The following USH2A variants were observed in gnomAD, a reference collection of about 807,000 sequenced individuals.
The protein encoded by USH2A is usherin, also known as Usher syndrome 2A (autosomal recessive, mild).
USH2A carries 443 observed loss-of-function variants against 538.9 expected under a neutral mutation model. The ratio of observed to expected loss-of-function variants is 0.82; its 90% CI spans 0.76 to 0.89. USH2A has a LOEUF of 0.89. Ranked by LOEUF, USH2A falls within the 40% of genes least tolerant of loss-of-function variation. The pLI is 0.00. For missense variants in USH2A, 6,633 were observed against 6,324.8 expected (o/e 1.05, Z -1.65); for synonymous variants, 2,413 against 2,273.5 (o/e 1.06, Z -1.75).
intron 19 of USH2A, among the ~76,000 whole-genome samples, chr1:216,192,244 G>A (rs2034731391): frequency 6.6e-6 from 1 of 151,954 alleles, no homozygotes; most frequent in Admixed American, 6.6e-5. Flanking sequence ...TGGGAATTTT[G>A]GCTATTTATT....
intron 21 of USH2A, among the ~76,000 whole-genome samples, chr1:216,118,277 C>A (rs754339831): frequency 1.3e-5 from 2 of 152,114 alleles, no homozygotes; most frequent in Non-Finnish European, 2.9e-5. Flanking sequence ...GAGAGACCCT[C>A]AATTTGGTAT....
intron 21 of USH2A, among the ~76,000 whole-genome samples, chr1:216,111,932 TAA>T (rs2032883269): frequency 6.6e-6 from 1 of 151,940 alleles, no homozygotes; most frequent in Non-Finnish European, 1.5e-5. Context: ...TTAGGGAATG[TAA>T]AAGTTCATTT....
At chr1:215,771,579 C>CAAAAAAAAAAAAAAAAA (rs759067576) in intron 55 of USH2A, among the ~76,000 whole-genome samples, 11 of 43,998 alleles carry the variant, frequency 2.5e-4, no homozygotes, top group East Asian at 2.2e-3. Context: ...GACTCCGTCT[C>CAAAAAAAAAAAAAAAAA]AAAAAAAAAA....
chr1:215,640,812 ATATGAGC>A, intron 67 of USH2A, 78 bp from the exon 68 acceptor site: 12 of 1,414,172 alleles, frequency 8.5e-6, no homozygotes, highest in Non-Finnish European at 1.1e-5. Flanking sequence ...AAAAAAAAAA[ATATGAGC>A]AAAATCAAAC....
rs776220540 is a variant in USH2A at position 215,741,369 on chromosome 1, T to A, written c.11711+6A>T. 7.4e-6 allele frequency: 12 copies of A among 1,614,002 alleles called. No homozygotes were observed. The Admixed American group carries it at 2.0e-4, about 27-fold the overall frequency. ...AACTAAAAATAATAGTAACAGCCAA[T>A]CTTACCTGTAAATAAAGTAGTTGAT... On this transcript the variant is annotated splice_donor_region_variant and intron_variant, in intron 60 of 71. Coordinates refer to ENST00000307340, the MANE Select transcript of USH2A (RefSeq NM_206933.4).
At chr1:215,763,364 A>G (rs1208357276) in intron 56 of USH2A, among the ~76,000 whole-genome samples, 1 of 152,102 alleles carries the variant, frequency 6.6e-6, no homozygotes, top group Non-Finnish European at 1.5e-5. Context: ...GATGGGTAGG[A>G]AGTAGGTGGT....
At chr1:215,652,164 GAGAATGTATTACT>G (rs1657105096) in intron 64 of USH2A, among the ~76,000 whole-genome samples, 3 of 152,184 alleles carry the variant, frequency 2.0e-5, no homozygotes, top group African/African-American at 7.2e-5. Flanking sequence ...AAGGTGAGCC[GAGAATGTATTACT>G]AGTCCCCTTT....
intron 21 of USH2A, among the ~76,000 whole-genome samples, chr1:216,167,632 C>G (rs1288866683): frequency 1.3e-5 from 2 of 152,074 alleles, no homozygotes; most frequent in African/African-American, 2.4e-5. Context: ...CGCAAGACCT[C>G]GGAAGCATGC....
At position 216,123,077 on chromosome 1, in the gene USH2A, G is replaced by A. The variant is rs1030911356; in HGVS notation, c.4628-25864C>T. On this transcript the variant is annotated intron_variant, in intron 21 of 71. Coordinates refer to ENST00000307340, the MANE Select transcript of USH2A (RefSeq NM_206933.4). ...TATGTCATTTTATTTGTTTCTCATG[G>A]TTCATTTATGCCAATTATACAGATA... Among the ~76,000 whole-genome samples the A allele has an allele frequency of 2.6e-5, 4 of 152,212 alleles. No individual in the cohort carries two copies. In the South Asian group the frequency reaches 8.3e-4, roughly 32 times the overall value.
intron 38 of USH2A, among the ~76,000 whole-genome samples, chr1:215,911,921 GA>G (rs1406432528): frequency 1.3e-5 from 2 of 152,058 alleles, no homozygotes; most frequent in Non-Finnish European, 2.9e-5. Flanking sequence ...GGGGTGAGAT[GA>G]AATCTCATTA....
rs1661658304 is a variant in USH2A, at chr1:215,782,053, T to C, written c.10729A>G (p.Thr3577Ala). 3 of 1,614,004 alleles carry C rather than the reference T, an allele frequency of 1.9e-6. No homozygotes were observed. The East Asian group carries it at 6.7e-5, about 36-fold the overall frequency. The change falls in exon 54 of 72, where the codon ACC becomes GCC. Residue 3577 changes from threonine to alanine, a missense_variant. Coordinates refer to ENST00000307340, the MANE Select transcript of USH2A (RefSeq NM_206933.4). The part of the protein sequence containing the change: ...LKACTVAGCA[T>A]SSKVVAATTQ... ...CAAACTCCTCTTACCTTGCTACTGG[T>C]GGCACAGCCAGCAACCGTGCAAGCT...
At chr1:215,774,346 G>T (rs1172905120) in intron 55 of USH2A, among the ~76,000 whole-genome samples, 4 of 151,554 alleles carry the variant, frequency 2.6e-5, no homozygotes, top group African/African-American at 9.7e-5. Flanking sequence ...TACTTCTTTG[G>T]CAGACTCTCT....
chr1:215,739,319 T>C (rs1660239067), intron 60 of USH2A, among the ~76,000 whole-genome samples: 1 of 152,188 alleles, frequency 6.6e-6, no homozygotes, highest in Non-Finnish European at 1.5e-5. Flanking sequence ...TCAGATGCCA[T>C]CAAATGCTGT....
At chr1:216,010,795 G>T (rs1668542873) in intron 32 of USH2A, among the ~76,000 whole-genome samples, 1 of 151,456 alleles carries the variant, frequency 6.6e-6, no homozygotes, top group South Asian at 2.1e-4. Context: ...CTGCTTCCCT[G>T]ACTATTCCTG....
chr1:216,223,458 A>T (rs2035498669), intron 14 of USH2A, among the ~76,000 whole-genome samples: 1 of 152,176 alleles, frequency 6.6e-6, no homozygotes, highest in Admixed American at 6.5e-5. Context: ...AGTTCTACTC[A>T]TCAAAAGGAG....
rs144038121 is a variant in USH2A at position 215,853,716 on chromosome 1, T to C, written c.8846-7683A>G. On this transcript the variant is annotated intron_variant, in intron 44 of 71. Coordinates refer to ENST00000307340, the MANE Select transcript of USH2A (RefSeq NM_206933.4). ...CCCTAAATAATCTCTCTCAAGTTCA[T>C]AGTTCCACAAATCTCTAGGGCAGGG... 2.6e-5 allele frequency among the ~76,000 whole-genome samples: 4 copies of C among 152,308 alleles called. No individual in the cohort carries two copies. The East Asian group carries it at 5.8e-4, about 22-fold the overall frequency.
In USH2A at chr1:215,958,606, ATT is replaced by A. The variant is rs201139296; in HGVS notation, c.7120+6709_7120+6710del. Among the ~76,000 whole-genome samples, 670 of 152,222 alleles carry A rather than the reference ATT, an allele frequency of 4.4e-3. 22 individuals carry two copies. The highest frequency in any genetic ancestry group is 0.04 in the Admixed American group (611 of 15,284). On this transcript the variant is annotated intron_variant, in intron 37 of 71. Coordinates refer to ENST00000307340, the MANE Select transcript of USH2A (RefSeq NM_206933.4). ...AGAATGGGGGATGGGGAGCCATCAC[ATT>A]TATACTCTATCTTTTCTACCTGGAA... is the stretch of plus-strand genomic sequence containing the variant.
intron 11 of USH2A, among the ~76,000 whole-genome samples, chr1:216,270,319 G>T (rs566000155): frequency 6.6e-6 from 1 of 151,980 alleles, no homozygotes; most frequent in Non-Finnish European, 1.5e-5. Flanking sequence ...AATCTGTCCC[G>T]GAAATTGAGT....
intron 61 of USH2A, among the ~76,000 whole-genome samples, chr1:215,686,591 G>A (rs75584987): frequency 0.019 from 2,870 of 152,112 alleles, 107 homozygotes; most frequent in African/African-American, 0.063. Context: ...GAAACAATAA[G>A]TAACATTAGG....
Sources: allele counts gnomAD v4.1 joint callset (sites outside exome capture counted in the v4.1 genomes callset), GRCh38; gene constraint gnomAD v4.1.1; transcripts MANE v1.5; gene names NCBI Gene and HGNC (gene_info 2026-07-23, HGNC 2026-07-21).